Variants in OOSP1 observed in about 807,000 individuals in gnomAD.
OOSP1 encodes oocyte secreted protein 1, also known as putative oocyte-secreted protein 1 homolog.
A neutral mutation model predicts 5.7 loss-of-function variants in OOSP1; 11 were observed. The ratio of observed to expected loss-of-function variants is 1.94; its 90% CI spans 1.22 to 3.20. The LOEUF (loss-of-function observed/expected upper bound fraction) is 3.20, where lower values mean the gene tolerates loss of function less well. Among genes scored for constraint, OOSP1 ranks in the 30% most tolerant of loss-of-function variants. The pLI, the probability that OOSP1 is intolerant of heterozygous loss-of-function variation, is 0.00. For synonymous variants in OOSP1, 44 were observed against 20.0 expected, an observed-to-expected ratio of 2.20 and a Z score of -3.20; for missense variants, 83 against 54.1, an observed-to-expected ratio of 1.53 and a Z score of -1.67.
exon 3 of OOSP1, chr11:59,945,233 G>A (rs777404577): frequency 6.0e-5 from 42 of 702,828 alleles, no homozygotes; most frequent in South Asian, 2.4e-4. Flanking sequence ...TCTACTGTCC[G>A]ATCTGAAATG....
chr11:59,949,549 T>C (rs1853919335), intron 4 of OOSP1, among the ~76,000 whole-genome samples: 1 of 151,918 alleles, frequency 6.6e-6, no homozygotes, highest in South Asian at 2.1e-4. Context: ...TCACTGAGTG[T>C]TTGCAGAACA....
chr11:59,943,826 T>C (rs1396925284), intron 2 of OOSP1, among the ~76,000 whole-genome samples: 3 of 152,238 alleles, frequency 2.0e-5, no homozygotes, highest in Non-Finnish European at 4.4e-5. Context: ...AACTGGAATT[T>C]TGACTTAATT....
chr11:59,953,790 A>G (rs1853963230), intron 4 of OOSP1, among the ~76,000 whole-genome samples: 1 of 152,230 alleles, frequency 6.6e-6, no homozygotes, highest in South Asian at 2.1e-4. Context: ...GACATGTAAT[A>G]TAGATAATAG....
Position 59,953,391 on chromosome 11 carries a change from T to A in OOSP1, c.487-3804T>A, listed in dbSNP as rs561001267. ...TCTTAGATCTCATATATATATATAT[T>A]TTTTCTCTCTAGGAAGATGATTCTG... On this transcript the variant is annotated intron_variant, in intron 4 of 4. Coordinates refer to ENST00000646685, the Ensembl canonical transcript of OOSP1. 7.2e-5 allele frequency among the ~76,000 whole-genome samples: 11 copies of A among 152,030 alleles called. No homozygotes were observed. The South Asian group carries it at 1.0e-3, about 14-fold the overall frequency.
At chr11:59,953,540 G>A (rs931538909) in intron 4 of OOSP1, among the ~76,000 whole-genome samples, 1 of 152,112 alleles carries the variant, frequency 6.6e-6, no homozygotes, top group Non-Finnish European at 1.5e-5. Flanking sequence ...TGATTGGTAT[G>A]TGCTTTCTAA....
intron 4 of OOSP1, chr11:59,948,684 G>A: frequency 2.5e-6 from 1 of 397,740 alleles, no homozygotes; most frequent in Non-Finnish European, 4.4e-6. Flanking sequence ...ATATTTTACT[G>A]TCTTTCTTCC....
chr11:59,954,763 G>T (rs142619031), intron 4 of OOSP1, among the ~76,000 whole-genome samples: 1 of 151,928 alleles, frequency 6.6e-6, no homozygotes, highest in Non-Finnish European at 1.5e-5. Flanking sequence ...CTCGAGGGTT[G>T]GAGGGAGAAA....
At chr11:59,953,779 C>T (rs769123234) in intron 4 of OOSP1, among the ~76,000 whole-genome samples, 5 of 152,074 alleles carry the variant, frequency 3.3e-5, no homozygotes, top group East Asian at 3.8e-4. Flanking sequence ...CATAGGAAAT[C>T]GACATGTAAT....
chr11:59,946,523 T>C (rs947437195), intron 3 of OOSP1, among the ~76,000 whole-genome samples: 1 of 152,168 alleles, frequency 6.6e-6, no homozygotes. Flanking sequence ...CAAAAGTTGT[T>C]ACAACTGTCC....
chr11:59,940,899 T>C (rs1466761444), intron 1 of OOSP1, among the ~76,000 whole-genome samples: 1 of 152,248 alleles, frequency 6.6e-6, no homozygotes, highest in Admixed American at 6.5e-5. Context: ...AGATCAATTA[T>C]ACTATTTATT....
At chr11:59,951,411 G>A (rs1474609037) in intron 4 of OOSP1, among the ~76,000 whole-genome samples, 1 of 152,122 alleles carries the variant, frequency 6.6e-6, no homozygotes, top group Non-Finnish European at 1.5e-5. Context: ...AGAAAATTGG[G>A]CTGAGTACAT....
At chr11:59,946,965 ATCTG>A (rs1380092693) in intron 3 of OOSP1, among the ~76,000 whole-genome samples, 14 of 143,556 alleles carry the variant, frequency 9.8e-5, no homozygotes, top group Middle Eastern at 3.7e-3. Context: ...CTATCTATCT[ATCTG>A]TCTATCTACT....
At chr11:59,956,046 T>C (rs185211551) in intron 4 of OOSP1, among the ~76,000 whole-genome samples, 1 of 152,162 alleles carries the variant, frequency 6.6e-6, no homozygotes, top group Non-Finnish European at 1.5e-5. Flanking sequence ...TGACATGTGA[T>C]TAATGGACTA....
chr11:59,955,469 G>A (rs1853986077), intron 4 of OOSP1, among the ~76,000 whole-genome samples: 1 of 152,026 alleles, frequency 6.6e-6, no homozygotes, highest in Non-Finnish European at 1.5e-5. Flanking sequence ...CAAAGAATAA[G>A]CCCAATTATA....
At chr11:59,938,480 G>T in exon 1 of OOSP1, 2 of 627,332 alleles carry the variant, frequency 3.2e-6, no homozygotes, top group Admixed American at 2.4e-5. Flanking sequence ...GGGTTCAAAG[G>T]GCTCTTTTAT....
At chr11:59,942,670 T>C (rs1853842254) in intron 1 of OOSP1, among the ~76,000 whole-genome samples, 177 bp from the exon 2 acceptor site, 1 of 152,168 alleles carries the variant, frequency 6.6e-6, no homozygotes, top group African/African-American at 2.4e-5. Flanking sequence ...TGTGTGGATA[T>C]TTTTAGGGGA....
intron 4 of OOSP1, among the ~76,000 whole-genome samples, chr11:59,952,605 A>G (rs1479315226): frequency 6.6e-6 from 1 of 152,138 alleles, no homozygotes; most frequent in Non-Finnish European, 1.5e-5. Flanking sequence ...AGACATGCAG[A>G]GTGATATAAT....
chr11:59,940,644 C>T (rs1216176185), intron 1 of OOSP1, among the ~76,000 whole-genome samples: 8 of 152,036 alleles, frequency 5.3e-5, no homozygotes, highest in Non-Finnish European at 1.2e-4. Flanking sequence ...AGTGTGGGGC[C>T]GTTACAAATA....
At chr11:59,940,553 T>C (rs1332584463) in intron 1 of OOSP1, among the ~76,000 whole-genome samples, 1 of 152,254 alleles carries the variant, frequency 6.6e-6, no homozygotes, top group East Asian at 1.9e-4. Context: ...GTAGCTTTGG[T>C]ATATTTTAAT....
Sources: gnomAD v4.1 joint callset for allele counts (sites outside exome capture counted in the v4.1 genomes callset) on GRCh38, gnomAD v4.1.1 for gene constraint, MANE v1.5 for transcripts, NCBI Gene and HGNC (gene_info 2026-07-23, HGNC 2026-07-21) for gene names.